Variants in DLGAP1 observed in about 807,000 individuals in gnomAD.
The protein encoded by DLGAP1 is disks large-associated protein 1.
DLGAP1 carries 11 observed loss-of-function variants against 90.8 expected under a neutral mutation model. The ratio of observed to expected loss-of-function variants is 0.12; its 90% CI spans 0.08 to 0.20. The LOEUF (loss-of-function observed/expected upper bound fraction) is 0.20, where lower values mean the gene tolerates loss of function less well. DLGAP1 is among the 10% of genes least tolerant of loss of function. The probability of loss-of-function intolerance (pLI) is 1.00; values close to 1 mark genes in which losing one functional copy is unlikely to be tolerated. For missense variants in DLGAP1, 1,050 were observed against 1,333.8 expected, an observed-to-expected ratio of 0.79 and a Z score of 3.31; for synonymous variants, 558 against 540.7, an observed-to-expected ratio of 1.03 and a Z score of -0.44.
chr18:3,851,977 G>A (rs2069368212), intron 4 of DLGAP1, among the ~76,000 whole-genome samples: 1 of 152,020 alleles, frequency 6.6e-6, no homozygotes, highest in South Asian at 2.1e-4. Flanking sequence ...AAGATAAAAA[G>A]TGAAAATGCA....
intron 3 of DLGAP1, among the ~76,000 whole-genome samples, chr18:3,908,088 C>T (rs2071950675): frequency 1.3e-5 from 2 of 152,154 alleles, no homozygotes; most frequent in South Asian, 2.1e-4. Context: ...AAATTTTTGG[C>T]ATAGGAAAGC....
intron 1 of DLGAP1, among the ~76,000 whole-genome samples, chr18:4,279,495 C>A (rs1598798637): frequency 6.6e-6 from 1 of 152,236 alleles, no homozygotes; most frequent in East Asian, 1.9e-4. Flanking sequence ...AAAAAATAAA[C>A]CGTTGACTGA....
At chr18:4,199,851 C>T (rs1250566916) in intron 1 of DLGAP1, among the ~76,000 whole-genome samples, 1 of 152,150 alleles carries the variant, frequency 6.6e-6, no homozygotes, top group Non-Finnish European at 1.5e-5. Context: ...CCCCCAAGAG[C>T]TTTACAGAAA....
intron 1 of DLGAP1, among the ~76,000 whole-genome samples, chr18:4,173,349 A>T (rs1215402773): frequency 2.0e-5 from 3 of 152,194 alleles, no homozygotes; most frequent in African/African-American, 4.8e-5. Context: ...CCATACAATT[A>T]CAATCAGTCA....
At chr18:4,015,268 T>C (rs1438869180) in intron 2 of DLGAP1, among the ~76,000 whole-genome samples, 1 of 152,070 alleles carries the variant, frequency 6.6e-6, no homozygotes, top group Non-Finnish European at 1.5e-5. Flanking sequence ...TGATGAAAAA[T>C]AGGCTTCAGT....
At chr18:3,671,957 G>C (rs970014431) in intron 7 of DLGAP1, among the ~76,000 whole-genome samples, 3 of 151,918 alleles carry the variant, frequency 2.0e-5, no homozygotes, top group Admixed American at 6.6e-5. Flanking sequence ...ACAGAGTCCT[G>C]CATAATTCAT....
At chr18:3,869,827 T>C (rs1176066880) in intron 4 of DLGAP1, among the ~76,000 whole-genome samples, 2 of 152,158 alleles carry the variant, frequency 1.3e-5, no homozygotes, top group Non-Finnish European at 2.9e-5. Flanking sequence ...TTGTTAATGT[T>C]TGAGGATCTA....
intron 2 of DLGAP1, among the ~76,000 whole-genome samples, chr18:4,057,256 G>A (rs1385493553): frequency 6.6e-6 from 1 of 152,158 alleles, no homozygotes; most frequent in Non-Finnish European, 1.5e-5. Flanking sequence ...CTGGTGATCA[G>A]CAACTTCTCG....
At chr18:3,837,592 T>G (rs2068460250) in intron 4 of DLGAP1, among the ~76,000 whole-genome samples, 1 of 152,218 alleles carries the variant, frequency 6.6e-6, no homozygotes, top group African/African-American at 2.4e-5. Flanking sequence ...CTCATGCCTG[T>G]AATTCTAGCA....
intron 6 of DLGAP1, among the ~76,000 whole-genome samples, chr18:3,741,150 T>TCAC (rs1445010443): frequency 3.6e-5 from 1 of 27,916 alleles, no homozygotes; most frequent in Non-Finnish European, 7.2e-5. Context: ...ACCATCACCA[T>TCAC]CACCACCACC....
intron 12 of DLGAP1, chr18:3,502,110 C>G: frequency 9.8e-7 from 1 of 1,021,086 alleles, no homozygotes; most frequent in Non-Finnish European, 1.2e-6. Flanking sequence ...CTTGAAAACA[C>G]ATCCTAGGGG....
chr18:4,254,066 C>T (rs771032205), intron 1 of DLGAP1, among the ~76,000 whole-genome samples: 2 of 152,092 alleles, frequency 1.3e-5, no homozygotes, highest in African/African-American at 4.8e-5. Flanking sequence ...AAGATCAGCA[C>T]GTTTTTATTC....
At chr18:4,318,136 G>T (rs1568510365) in intron 1 of DLGAP1, among the ~76,000 whole-genome samples, 1 of 152,134 alleles carries the variant, frequency 6.6e-6, no homozygotes, top group Admixed American at 6.6e-5. Flanking sequence ...CCTTTTAAAA[G>T]AAATATTTCC....
chr18:3,694,658 G>A lies in DLGAP1; in HGVS notation c.1591+34477C>T, dbSNP rs1446884953. On this transcript the variant is annotated intron_variant, in intron 7 of 12. Transcript: ENST00000315677. Reference sequence around the variant, plus strand: ...AGTGATGATGAACATTTTTTCATACGTTTGTTGGCTGCATAAATGTCTTCT... The same window carrying A: ...AGTGATGATGAACATTTTTTCATACATTTGTTGGCTGCATAAATGTCTTCT... 2.6e-5 allele frequency among the ~76,000 whole-genome samples: 4 copies of A among 152,130 alleles called. No individual in the cohort carries two copies. The South Asian group carries it at 8.3e-4, about 32-fold the overall frequency.
chr18:4,212,468 G>A (rs1598631049), intron 1 of DLGAP1, among the ~76,000 whole-genome samples: 1 of 150,182 alleles, frequency 6.7e-6, no homozygotes, highest in African/African-American at 2.4e-5. Flanking sequence ...GAGTTTGAGA[G>A]CAGCCTGGCC....
intron 10 of DLGAP1, among the ~76,000 whole-genome samples, chr18:3,525,107 A>ACAG (rs2051529726): frequency 6.6e-6 from 1 of 151,822 alleles, no homozygotes; most frequent in African/African-American, 2.4e-5. Flanking sequence ...AAAAAAATCA[A>ACAG]CAACATTATT....
At chr18:4,436,982 G>A (rs114363626) in intron 1 of DLGAP1, among the ~76,000 whole-genome samples, 1,796 of 152,192 alleles carry the variant, frequency 0.012, 42 homozygotes, top group African/African-American at 0.04. Flanking sequence ...AAGAAACAAA[G>A]AAGAAATCTC....
intron 5 of DLGAP1, among the ~76,000 whole-genome samples, chr18:3,747,324 C>T (rs1357908982): frequency 1.3e-5 from 2 of 152,292 alleles, no homozygotes; most frequent in East Asian, 1.9e-4. Context: ...TATGGTGATT[C>T]CAGCTGCATC....
intron 5 of DLGAP1, among the ~76,000 whole-genome samples, chr18:3,772,340 CT>C (rs1717985363): frequency 1.9e-5 from 1 of 51,288 alleles, no homozygotes; most frequent in South Asian, 5.5e-4. Flanking sequence ...CCTTCTCTCT[CT>C]CTCTCTCTTT....
Sources: gnomAD v4.1 joint callset for allele counts (sites outside exome capture counted in the v4.1 genomes callset) on GRCh38, gnomAD v4.1.1 for gene constraint, MANE v1.5 for transcripts, NCBI Gene and HGNC (gene_info 2026-07-23, HGNC 2026-07-21) for gene names.